The following TFAP2B variants were observed in gnomAD, a reference collection of about 807,000 sequenced individuals.
TFAP2B encodes transcription factor AP-2-beta.
Under a neutral mutation model 44.3 loss-of-function variants are expected in TFAP2B, and 9 were observed. The observed-to-expected ratio is 0.20, with a 90% CI of 0.12 to 0.35. TFAP2B has a LOEUF of 0.35. Ranked by LOEUF, TFAP2B falls within the 10% of genes least tolerant of loss-of-function variation. The pLI, the probability that TFAP2B is intolerant of heterozygous loss-of-function variation, is 1.00. For synonymous variants in TFAP2B, 270 were observed against 263.8 expected (o/e 1.02, Z -0.23); for missense variants, 509 against 600.0 (o/e 0.85, Z 1.59).
rs1490994165 is a variant in TFAP2B at position 50,843,247 on chromosome 6, C to G, written c.1238C>G (p.Ala413Gly). 6.2e-7 allele frequency: 1 copy of G among 1,614,096 alleles called. No individual in the cohort carries two copies. The highest frequency in any genetic ancestry group is 1.3e-5 in the African/African-American group (1 of 74,938). ...HGFGAPAICA[A>G]LTALQNYLTE... ...TTCGGCGCCCCGGCCATTTGCGCCG[C>G]GCTCACGGCCCTGCAGAACTATCTC... is the stretch of plus-strand genomic sequence containing the variant. Residue 413 changes from alanine (A) to glycine (G), a missense_variant, in exon 7 of 7, where the codon GCG (alanine) becomes GGG (glycine). Physicochemically the swap from Ala to Gly is moderately conservative, Grantham distance 60. This residue lies in a region of TFAP2B where 168 missense variants were observed against 183.2 expected (regional missense o/e 0.92). Transcript: ENST00000393655.
chr6:50,822,746 C>T (rs1189346183), intron 1 of TFAP2B, among the ~76,000 whole-genome samples: 1 of 152,182 alleles, frequency 6.6e-6, no homozygotes, highest in Non-Finnish European at 1.5e-5. Context: ...GAATGAGATC[C>T]ATTTCAATGA....
At chr6:50,819,558 T>C (rs1192453667) in intron 1 of TFAP2B, among the ~76,000 whole-genome samples, 1 of 152,192 alleles carries the variant, frequency 6.6e-6, no homozygotes, top group African/African-American at 2.4e-5. Flanking sequence ...GTGTTTTGCT[T>C]CCTTGAGGGT....
intron 5 of TFAP2B, among the ~76,000 whole-genome samples, chr6:50,838,342 A>C (rs1762662691): frequency 6.6e-6 from 1 of 152,202 alleles, no homozygotes; most frequent in Non-Finnish European, 1.5e-5. Flanking sequence ...TCCAGCCTCC[A>C]AGACAAAGCA....
chr6:50,819,956 G>C (rs529209330), intron 1 of TFAP2B, among the ~76,000 whole-genome samples: 1 of 152,232 alleles, frequency 6.6e-6, no homozygotes, highest in South Asian at 2.1e-4. Flanking sequence ...GCTTTTAAGC[G>C]GAATGGTCTG....
intron 3 of TFAP2B, among the ~76,000 whole-genome samples, chr6:50,832,880 C>G (rs116542690): frequency 3.7e-4 from 56 of 152,246 alleles, no homozygotes; most frequent in African/African-American, 9.9e-4. Flanking sequence ...AAAACTCCAG[C>G]CATGTTAATG....
chr6:50,836,174 C>T lies in TFAP2B; in HGVS notation c.715C>T (p.Leu239=). Reference sequence around the variant, plus strand: ...TTGCTCCGTCCCAGGCCGTTTGTCTCTGCTCAGTTCAACTTCGAAGTACAA... The same window carrying T: ...TTGCTCCGTCCCAGGCCGTTTGTCTTTGCTCAGTTCAACTTCGAAGTACAA... ...VFCSVPGRLS[L]LSSTSKYKVT... is the part of the protein sequence containing the mutation. The change falls in exon 4 of 7, where the codon CTG becomes TTG. Residue 239 remains leucine (L), a synonymous_variant. Transcript: ENST00000393655. 1 of 1,614,090 alleles carries T rather than the reference C, an allele frequency of 6.2e-7. No individual in the cohort carries two copies. The highest frequency in any genetic ancestry group is 8.5e-7 in the Non-Finnish European group (1 of 1,180,024).
intron 3 of TFAP2B, 79 bp from the exon 4 acceptor site, chr6:50,835,980 TCA>T: frequency 8.7e-7 from 1 of 1,153,852 alleles, no homozygotes; most frequent in Non-Finnish European, 1.3e-6. Flanking sequence ...TCCTGTGGCC[TCA>T]CACAGAGACA....
chr6:50,824,195 T>C (rs1396386437), intron 2 of TFAP2B, among the ~76,000 whole-genome samples: 1 of 152,212 alleles, frequency 6.6e-6, no homozygotes, highest in Non-Finnish European at 1.5e-5. Context: ...TCCTGCATAT[T>C]CTCTAGTGCT....
intron 2 of TFAP2B, among the ~76,000 whole-genome samples, chr6:50,825,493 C>T (rs973875451): frequency 6.6e-6 from 1 of 151,982 alleles, no homozygotes; most frequent in African/African-American, 2.4e-5. Context: ...AGAAATTTTT[C>T]CCCCAAAAGA....
intron 3 of TFAP2B, chr6:50,830,433 C>A: frequency 2.5e-6 from 1 of 403,806 alleles, no homozygotes; most frequent in Non-Finnish European, 3.3e-6. Flanking sequence ...GCAAGGTTGT[C>A]TCCAGGAATA....
chr6:50,823,930 G>T (rs1770433710), intron 2 of TFAP2B, 65 bp downstream of exon 2: 2 of 1,502,250 alleles, frequency 1.3e-6, no homozygotes, highest in Admixed American at 2.0e-5. Flanking sequence ...TCTGGAGGGG[G>T]GGAGGTCAGG....
intron 2 of TFAP2B, among the ~76,000 whole-genome samples, chr6:50,827,257 T>G (rs1164152114): frequency 1.3e-5 from 2 of 152,188 alleles, no homozygotes; most frequent in Non-Finnish European, 2.9e-5. Context: ...TGTGTGTTTG[T>G]GTGTGGCAGG....
intron 5 of TFAP2B, 122 bp from the exon 6 acceptor site, chr6:50,840,034 G>C: frequency 7.6e-7 from 1 of 1,314,358 alleles, no homozygotes; most frequent in Non-Finnish European, 1.1e-6. Flanking sequence ...TCTCACCTTT[G>C]CTTTTGGCTC....
At chr6:50,838,210 A>G (rs2817403) in intron 5 of TFAP2B, 117 bp downstream of exon 5, 7 of 932,926 alleles carry the variant, frequency 7.5e-6, no homozygotes, top group South Asian at 1.3e-5. Flanking sequence ...TGCTCTTATG[A>G]GCTGGATGTC....
chr6:50,819,845 CGAGGTGGGA>C (rs1561956280), intron 1 of TFAP2B, among the ~76,000 whole-genome samples: 31 of 113,734 alleles, frequency 2.7e-4, no homozygotes, highest in African/African-American at 1.1e-3. Context: ...CCGAGGCGGG[CGAGGTGGGA>C]GAGGCGGGCG....
At chr6:50,829,592 T>C (rs937022850) in intron 3 of TFAP2B, among the ~76,000 whole-genome samples, 2 of 152,192 alleles carry the variant, frequency 1.3e-5, no homozygotes, top group African/African-American at 4.8e-5. Context: ...CTGTAACCCT[T>C]TCTCATGGAT....
At chr6:50,827,903 T>G (rs1404765196) in intron 2 of TFAP2B, among the ~76,000 whole-genome samples, 1 of 152,208 alleles carries the variant, frequency 6.6e-6, no homozygotes, top group African/African-American at 2.4e-5. Context: ...ATTACCTAGG[T>G]GCTGACTGGG....
At chr6:50,834,998 G>T (rs987238) in intron 3 of TFAP2B, among the ~76,000 whole-genome samples, 136,308 of 152,258 alleles carry the variant, frequency 0.9, 61,163 homozygotes, top group East Asian at 1. Context: ...ACTGGGAGAT[G>T]GACTGTTCCT....
intron 1 of TFAP2B, among the ~76,000 whole-genome samples, chr6:50,820,106 G>C (rs970626624): frequency 8.3e-4 from 127 of 152,332 alleles, no homozygotes; most frequent in Non-Finnish European, 1.5e-3. Context: ...GGGCCATGGA[G>C]ATTGCTAAGA....
Sources: gnomAD v4.1 joint callset for allele counts (sites outside exome capture counted in the v4.1 genomes callset) on GRCh38, gnomAD v4.1.1 for gene constraint, gnomAD v4.1.1 regional missense constraint, MANE v1.5 for transcripts, NCBI Gene and HGNC (gene_info 2026-07-23, HGNC 2026-07-21) for gene names.